PKN2: variants seen among roughly 807,000 people sequenced by gnomAD.
PKN2 encodes serine/threonine-protein kinase N2.
A neutral mutation model predicts 119.1 loss-of-function variants in PKN2; 38 were observed. The ratio of observed to expected loss-of-function variants is 0.32; its 90% CI spans 0.25 to 0.42. PKN2 has a LOEUF of 0.42. Ranked by LOEUF, PKN2 falls within the 10% of genes least tolerant of loss-of-function variation. The pLI is 1.00. For synonymous variants in PKN2, 390 were observed against 384.9 expected (o/e 1.01, Z -0.15); for missense variants, 850 against 1,165.1 (o/e 0.73, Z 3.94).
chr1:88,741,557 C>T (rs1320083419), intron 2 of PKN2, among the ~76,000 whole-genome samples: 1 of 152,078 alleles, frequency 6.6e-6, no homozygotes, highest in Admixed American at 6.6e-5. Context: ...GAGTGAGTCT[C>T]CAGTATTAAT....
chr1:88,789,272 A>G (rs1670709725), intron 8 of PKN2, among the ~76,000 whole-genome samples: 1 of 152,158 alleles, frequency 6.6e-6, no homozygotes, highest in Non-Finnish European at 1.5e-5. Flanking sequence ...GTTCAGAGAG[A>G]AAGATGCAGA....
At chr1:88,826,466 T>G (rs935137366) in intron 18 of PKN2, among the ~76,000 whole-genome samples, 2 of 152,122 alleles carry the variant, frequency 1.3e-5, no homozygotes, top group Non-Finnish European at 2.9e-5. Context: ...AGGGTAGAAG[T>G]GCAATTTTGT....
At chr1:88,726,947 G>A (rs67944997) in intron 1 of PKN2, among the ~76,000 whole-genome samples, 10,209 of 152,082 alleles carry the variant, frequency 0.067, 704 homozygotes, top group African/African-American at 0.18. Context: ...TATAAATGTT[G>A]CTTAAGTTCC....
chr1:88,806,726 T>G (rs554211316), intron 12 of PKN2, among the ~76,000 whole-genome samples: 1 of 152,254 alleles, frequency 6.6e-6, no homozygotes, highest in East Asian at 1.9e-4. Flanking sequence ...GTTTTGGTTT[T>G]GTTTTGTTTT....
intron 8 of PKN2, among the ~76,000 whole-genome samples, chr1:88,799,575 G>A (rs11808393): frequency 0.057 from 8,666 of 152,226 alleles, 477 homozygotes; most frequent in African/African-American, 0.14. Context: ...TAGGAGGAAA[G>A]GAAAGTCGCA....
At chr1:88,764,296 A>G (rs1669571036) in intron 3 of PKN2, among the ~76,000 whole-genome samples, 1 of 152,156 alleles carries the variant, frequency 6.6e-6, no homozygotes, top group East Asian at 1.9e-4. Context: ...TGGCTTTCTC[A>G]TTCATTAAGT....
At chr1:88,809,582 A>G (rs1671696822) in intron 15 of PKN2, among the ~76,000 whole-genome samples, 1 of 152,228 alleles carries the variant, frequency 6.6e-6, no homozygotes, top group South Asian at 2.1e-4. Context: ...TCACAGGATG[A>G]TGCTGTAGCC....
Position 88,684,526 on chromosome 1 carries a change from T to C in PKN2, c.-55T>C. ...CCCCCACCCCGAGCCCCGTCCCGCC[T>C]TCTCCCTTCGCCAGAGGCGGCCGCG... On this transcript the variant is annotated 5_prime_UTR_variant, in exon 1 of 22. Coordinates refer to ENST00000370521, the MANE Select transcript of PKN2 (RefSeq NM_006256.4). 1 of 1,334,448 alleles carries C rather than the reference T, an allele frequency of 7.5e-7. No homozygotes were observed. Among genetic ancestry groups the C allele is most frequent in the Non-Finnish European group, 1.0e-6 (1 of 989,692 alleles). 82.7% of individuals were successfully genotyped at this position (1,334,448 alleles called of 1,614,324 possible). A position where few individuals can be genotyped will look rare whatever the true frequency, so the allele number is the denominator to read the frequency against.
At position 88,795,148 on chromosome 1, in the gene PKN2, C is replaced by T. The variant is rs113457942; in HGVS notation, c.1281+8935C>T. On this transcript the variant is annotated intron_variant, in intron 8 of 21. Coordinates refer to ENST00000370521, the MANE Select transcript of PKN2 (RefSeq NM_006256.4). ...TTTGTTTTATAGATTAGATTTAAGA[C>T]CATCAGACCTCAGCTTTCTCCTATC... Among the ~76,000 whole-genome samples the T allele has an allele frequency of 9.9e-3, 1,500 of 152,256 alleles. 19 individuals carry two copies. The highest frequency in any genetic ancestry group is 0.034 in the African/African-American group (1,419 of 41,536).
intron 1 of PKN2, among the ~76,000 whole-genome samples, chr1:88,734,498 A>G (rs1668263914): frequency 6.6e-6 from 1 of 152,202 alleles, no homozygotes; most frequent in Non-Finnish European, 1.5e-5. Flanking sequence ...TCAAGAATTA[A>G]TAAACTGTAG....
intron 1 of PKN2, among the ~76,000 whole-genome samples, chr1:88,697,688 T>C (rs1666597155): frequency 1.3e-5 from 2 of 152,206 alleles, no homozygotes; most frequent in African/African-American, 4.8e-5. Context: ...GCTGTCATTG[T>C]TGTAGCCCCA....
chr1:88,737,672 G>A (rs1367230727), intron 1 of PKN2, among the ~76,000 whole-genome samples: 2 of 152,166 alleles, frequency 1.3e-5, no homozygotes, highest in Admixed American at 6.5e-5. Context: ...CATAGTATCG[G>A]GATGGGTCCT....
intron 1 of PKN2, among the ~76,000 whole-genome samples, chr1:88,713,759 C>G (rs182078509): frequency 3.0e-3 from 453 of 152,284 alleles, no homozygotes; most frequent in Non-Finnish European, 5.5e-3. Context: ...GTTTCTTTTG[C>G]TATGCAGAAG....
At chr1:88,794,954 T>A (rs920519982) in intron 8 of PKN2, among the ~76,000 whole-genome samples, 1 of 152,230 alleles carries the variant, frequency 6.6e-6, no homozygotes, top group Non-Finnish European at 1.5e-5. Flanking sequence ...TGAATGTTGC[T>A]TCTCTGCTCT....
rs114890483 is a variant in PKN2 at position 88,823,013 on chromosome 1, G to A, written c.2342+1010G>A. Among the ~76,000 whole-genome samples, 770 of 152,276 alleles carry A rather than the reference G, an allele frequency of 5.1e-3. 2 individuals carry two copies. The highest frequency in any genetic ancestry group is 0.017 in the African/African-American group (725 of 41,568). On this transcript the variant is annotated intron_variant, in intron 17 of 21. Coordinates refer to ENST00000370521, the MANE Select transcript of PKN2 (RefSeq NM_006256.4). ...GTGGGAGGATTGCTTCAGTCTAGGA[G>A]TTTGAGACCCGCCTGGGCAACATAG...
chr1:88,744,514 G>A (rs1370463069), intron 2 of PKN2, among the ~76,000 whole-genome samples: 3 of 152,146 alleles, frequency 2.0e-5, no homozygotes, highest in African/African-American at 4.8e-5. Context: ...TCCGCCTGCC[G>A]GGTTCAAGTG....
intron 2 of PKN2, among the ~76,000 whole-genome samples, chr1:88,758,750 G>A (rs1023390187): frequency 6.6e-6 from 1 of 152,094 alleles, no homozygotes; most frequent in Non-Finnish European, 1.5e-5. Flanking sequence ...CATGGTGTGT[G>A]TGTGTGTGTA....
intron 19 of PKN2, among the ~76,000 whole-genome samples, chr1:88,830,008 G>A (rs1672669069): frequency 6.6e-6 from 1 of 152,180 alleles, no homozygotes; most frequent in African/African-American, 2.4e-5. Context: ...CATGTGCTAA[G>A]CACTGTACTG....
intron 2 of PKN2, among the ~76,000 whole-genome samples, chr1:88,757,371 C>G (rs1669247995): frequency 6.6e-6 from 1 of 152,008 alleles, no homozygotes; most frequent in African/African-American, 2.4e-5. Flanking sequence ...ACTTGGTTGC[C>G]CAGGCTGGTC....
Sources: allele counts gnomAD v4.1 joint callset (sites outside exome capture counted in the v4.1 genomes callset), GRCh38; gene constraint gnomAD v4.1.1; transcripts MANE v1.5; gene names NCBI Gene and HGNC (gene_info 2026-07-23, HGNC 2026-07-21).